PCSK6: variants seen among roughly 807,000 people sequenced by gnomAD.
The protein encoded by PCSK6 is paired basic amino acid cleaving enzyme 4.
A neutral mutation model predicts 123.3 loss-of-function variants in PCSK6; 85 were observed. The observed-to-expected ratio is 0.69, with a 90% CI of 0.58 to 0.83. The LOEUF (loss-of-function observed/expected upper bound fraction) is 0.83. PCSK6 is among the 40% of genes least tolerant of loss of function. PCSK6 has a pLI of 0.00. For missense variants in PCSK6, 1,191 were observed against 1,282.3 expected (o/e 0.93, Z 1.09); for synonymous variants, 508 against 516.0 (o/e 0.98, Z 0.21).
chr15:101,337,934 A>T (rs928604129), intron 13 of PCSK6, among the ~76,000 whole-genome samples: 2 of 152,250 alleles, frequency 1.3e-5, no homozygotes, highest in Non-Finnish European at 2.9e-5. Flanking sequence ...TTTGAAATAC[A>T]TAAATCTGAC....
chr15:101,375,279 A>G (rs752423807), intron 11 of PCSK6, among the ~76,000 whole-genome samples: 61 of 151,620 alleles, frequency 4.0e-4, no homozygotes, highest in South Asian at 8.3e-4. Context: ...ATCAAACCAT[A>G]GCACATCACT....
rs2277585 is a variant in PCSK6 at position 101,427,879 on chromosome 15, C to T, written c.823+13G>A. On this transcript the variant is annotated intron_variant, in intron 6 of 21. Coordinates refer to ENST00000611716, the MANE Select transcript of PCSK6 (RefSeq NM_002570.5). ...AGGCCCCTCGGCTCGCAGGCTGCCA[C>T]GCCCGGCCTTACCTCCTATTTTGGC... 343,632 of 1,549,700 alleles carry T rather than the reference C, an allele frequency of 0.22. 38,922 individuals carry two copies. Among genetic ancestry groups the T allele is most frequent in the South Asian group, 0.26 (22,090 of 84,338 alleles).
intron 1 of PCSK6, among the ~76,000 whole-genome samples, chr15:101,477,432 A>T (rs2057760470): frequency 6.6e-6 from 1 of 152,246 alleles, no homozygotes; most frequent in Non-Finnish European, 1.5e-5. Flanking sequence ...ATCTAAAATA[A>T]TTGGAACTCC....
In PCSK6 at chr15:101,431,745, C is replaced by A. The variant is rs1327313834; in HGVS notation, c.513+245G>T. Among the ~76,000 whole-genome samples the A allele has an allele frequency of 2.0e-5, 3 of 152,214 alleles. No individual in the cohort carries two copies. In the South Asian group the frequency reaches 6.2e-4, roughly 32 times the overall value. On this transcript the variant is annotated intron_variant, in intron 3 of 21. Transcript: ENST00000611716. ...TGGGCTTTGCCATTTAGTCATACAG[C>A]CTGCATCAAATCACTTCCCTTCTCA...
chr15:101,378,037 G>A (rs1285698356), intron 11 of PCSK6, among the ~76,000 whole-genome samples: 1 of 152,234 alleles, frequency 6.6e-6, no homozygotes, highest in African/African-American at 2.4e-5. Flanking sequence ...GATTTTCAAA[G>A]CAGCGACAGA....
At chr15:101,480,125 TGATC>T (rs2057836604) in intron 1 of PCSK6, among the ~76,000 whole-genome samples, 1 of 152,236 alleles carries the variant, frequency 6.6e-6, no homozygotes, top group South Asian at 2.1e-4. Context: ...GCGGTCTGGC[TGATC>T]ACTCAGAGCT....
At chr15:101,307,094 C>T (rs990050078) in intron 21 of PCSK6, 119 bp downstream of exon 21, 1 of 690,940 alleles carries the variant, frequency 1.4e-6, no homozygotes, top group Non-Finnish European at 2.6e-6. Flanking sequence ...GGATCAGGGG[C>T]ACGAACGCCT....
At chr15:101,363,862 T>A (rs1219621392) in intron 13 of PCSK6, among the ~76,000 whole-genome samples, 2 of 151,754 alleles carry the variant, frequency 1.3e-5, no homozygotes, top group East Asian at 3.9e-4. Flanking sequence ...ATGGTCTCGA[T>A]CTCCTGACTT....
chr15:101,459,069 A>G (rs1321889608), intron 1 of PCSK6, among the ~76,000 whole-genome samples: 1 of 152,114 alleles, frequency 6.6e-6, no homozygotes, highest in Non-Finnish European at 1.5e-5. Flanking sequence ...GACAGAAGAG[A>G]AACCCTCTCC....
chr15:101,479,621 T>C (rs1035849468), intron 1 of PCSK6, among the ~76,000 whole-genome samples: 2 of 152,180 alleles, frequency 1.3e-5, no homozygotes, highest in African/African-American at 4.8e-5. Context: ...GAGAGACATC[T>C]GGTTTCCCAT....
chr15:101,428,438 C>T (rs1393313555), intron 5 of PCSK6, among the ~76,000 whole-genome samples: 1 of 152,182 alleles, frequency 6.6e-6, no homozygotes, highest in Non-Finnish European at 1.5e-5. Flanking sequence ...GCTGATGTCA[C>T]CTGCCTCATC....
intron 13 of PCSK6, among the ~76,000 whole-genome samples, chr15:101,335,888 C>T (rs1330231311): frequency 6.6e-6 from 1 of 152,224 alleles, no homozygotes; most frequent in East Asian, 1.9e-4. Context: ...CTGCGGCTCC[C>T]AGGCCACAAA....
chr15:101,400,472 A>G (rs1225246975), intron 6 of PCSK6, among the ~76,000 whole-genome samples: 1 of 152,246 alleles, frequency 6.6e-6, no homozygotes, highest in Admixed American at 6.5e-5. Context: ...TGCATACTCA[A>G]AAGCAGCAAC....
intron 13 of PCSK6, among the ~76,000 whole-genome samples, chr15:101,362,197 T>C (rs369018140): frequency 4.1e-4 from 62 of 152,150 alleles, no homozygotes; most frequent in Middle Eastern, 3.4e-3. Flanking sequence ...ACCTTGTGAT[T>C]CACCCGCCTC....
At chr15:101,407,676 C>T (rs1375409969) in intron 6 of PCSK6, among the ~76,000 whole-genome samples, 2 of 152,190 alleles carry the variant, frequency 1.3e-5, no homozygotes, top group African/African-American at 4.8e-5. Context: ...TCACCCACTC[C>T]TTCCCACAGA....
intron 2 of PCSK6, among the ~76,000 whole-genome samples, chr15:101,439,563 C>T (rs762190811): frequency 2.6e-5 from 4 of 152,220 alleles, no homozygotes; most frequent in Non-Finnish European, 5.9e-5. Flanking sequence ...TGACACAGTT[C>T]ATCAACCCCT....
rs2041524084 is a variant in PCSK6, at chr15:101,369,876, G to C, written c.1721+459C>G. Among the ~76,000 whole-genome samples the C allele has an allele frequency of 1.3e-5, 2 of 152,218 alleles. 1 individual carries two copies. The highest frequency in any genetic ancestry group is 4.1e-4 in the South Asian group (2 of 4,826). On this transcript the variant is annotated intron_variant, in intron 12 of 21. Transcript: ENST00000611716. ...GTCTGTATTCCCGGGACAGGCCCCT[G>C]CTGGTGCAGGTTCTGCAGGGCAGCC...
chr15:101,366,648 C>T (rs908625831), intron 12 of PCSK6, among the ~76,000 whole-genome samples: 2 of 152,188 alleles, frequency 1.3e-5, no homozygotes, highest in Non-Finnish European at 2.9e-5. Context: ...CAGAAGCCCC[C>T]AGTCCCGACA....
chr15:101,354,072 G>A (rs905684027), intron 13 of PCSK6, among the ~76,000 whole-genome samples: 2 of 152,180 alleles, frequency 1.3e-5, no homozygotes, highest in Non-Finnish European at 2.9e-5. Flanking sequence ...AATGACCAGT[G>A]GTGGAAGATG....
Sources: gnomAD v4.1 joint callset for allele counts (sites outside exome capture counted in the v4.1 genomes callset) on GRCh38, gnomAD v4.1.1 for gene constraint, MANE v1.5 for transcripts, NCBI Gene and HGNC (gene_info 2026-07-23, HGNC 2026-07-21) for gene names.